CDH13: variants seen among roughly 807,000 people sequenced by gnomAD.
The protein encoded by CDH13 is cadherin-13.
In CDH13, 24 loss-of-function variants were observed where a neutral mutation model predicts 63.8. That is an observed-to-expected ratio of 0.38 (90% confidence interval 0.27 to 0.53). CDH13 has a LOEUF of 0.53. CDH13 is among the 20% of genes least tolerant of loss of function. The pLI, the probability that CDH13 is intolerant of heterozygous loss-of-function variation, is 0.85. For synonymous variants in CDH13, 503 were observed against 355.3 expected (o/e 1.42, Z -4.67); for missense variants, 1,049 against 903.1 (o/e 1.16, Z -2.07).
intron 1 of CDH13, among the ~76,000 whole-genome samples, chr16:82,662,995 A>G (rs1303985623): frequency 6.6e-6 from 1 of 152,160 alleles, no homozygotes; most frequent in Admixed American, 6.5e-5. Context: ...TTGCAGTTTC[A>G]GAAAGGGCTA....
chr16:83,748,638 A>C (rs1567570176), intron 11 of CDH13, among the ~76,000 whole-genome samples: 1 of 152,146 alleles, frequency 6.6e-6, no homozygotes, highest in Non-Finnish European at 1.5e-5. Flanking sequence ...CTGACCATTG[A>C]ATTGTTCTTG....
At chr16:83,633,534 G>C (rs915786778) in intron 8 of CDH13, among the ~76,000 whole-genome samples, 1 of 152,172 alleles carries the variant, frequency 6.6e-6, no homozygotes, top group African/African-American at 2.4e-5. Context: ...TTTTCATGTT[G>C]CAGGGAGTGT....
intron 6 of CDH13, among the ~76,000 whole-genome samples, chr16:83,411,048 T>C (rs571065641): frequency 6.6e-6 from 1 of 152,326 alleles, no homozygotes; most frequent in African/African-American, 2.4e-5. Flanking sequence ...ACTTGCTTCA[T>C]GCTGATCCAT....
chr16:83,281,797 C>A (rs371673799), intron 5 of CDH13, among the ~76,000 whole-genome samples: 10 of 151,838 alleles, frequency 6.6e-5, no homozygotes, highest in Admixed American at 3.3e-4. Context: ...CCTGTAATCC[C>A]AGCTACTCGG....
chr16:83,560,364 A>G (rs1254503195), intron 7 of CDH13, among the ~76,000 whole-genome samples: 1 of 152,222 alleles, frequency 6.6e-6, no homozygotes, highest in Admixed American at 6.5e-5. Flanking sequence ...AAATCCTGCC[A>G]TTTGCAACAT....
At chr16:83,306,375 G>A (rs998594404) in intron 5 of CDH13, among the ~76,000 whole-genome samples, 3 of 152,134 alleles carry the variant, frequency 2.0e-5, no homozygotes, top group African/African-American at 7.2e-5. Context: ...CACAAATGCT[G>A]TTCTGGAGTT....
At chr16:83,100,620 C>T (rs893200695) in intron 3 of CDH13, among the ~76,000 whole-genome samples, 1 of 152,182 alleles carries the variant, frequency 6.6e-6, no homozygotes, top group Non-Finnish European at 1.5e-5. Context: ...CTGTCTTTGT[C>T]TACCTCTTTT....
intron 5 of CDH13, among the ~76,000 whole-genome samples, chr16:83,343,459 G>C (rs776190277): frequency 6.6e-6 from 1 of 152,138 alleles, no homozygotes; most frequent in Admixed American, 6.5e-5. Context: ...CAAATATGTA[G>C]TGCAAACTTA....
chr16:83,096,941 T>C (rs1439892354), intron 3 of CDH13, among the ~76,000 whole-genome samples: 1 of 152,178 alleles, frequency 6.6e-6, no homozygotes, highest in East Asian at 1.9e-4. Context: ...AAAATATTTT[T>C]TTTCTGAGCA....
chr16:82,733,575 A>C (rs1041024576), intron 1 of CDH13, among the ~76,000 whole-genome samples: 4 of 152,140 alleles, frequency 2.6e-5, no homozygotes, highest in African/African-American at 9.7e-5. Context: ...TGATCCTATG[A>C]GACATTCAAC....
intron 2 of CDH13, among the ~76,000 whole-genome samples, chr16:82,963,696 C>A (rs964263845): frequency 6.6e-6 from 1 of 152,168 alleles, no homozygotes; most frequent in East Asian, 1.9e-4. Flanking sequence ...TCCTCAACAC[C>A]TGTTACAATT....
intron 5 of CDH13, among the ~76,000 whole-genome samples, chr16:83,319,324 C>T (rs2090171873): frequency 6.6e-6 from 1 of 152,076 alleles, no homozygotes; most frequent in Admixed American, 6.5e-5. Context: ...GCGTTTATTC[C>T]TCGGTGTTTC....
intron 5 of CDH13, among the ~76,000 whole-genome samples, chr16:83,226,915 A>C (rs2039857407): frequency 6.6e-6 from 1 of 152,206 alleles, no homozygotes; most frequent in Admixed American, 6.5e-5. Context: ...AGCTATCAGC[A>C]TAAAGATATT....
chr16:83,571,513 A>G (rs1904619801), intron 7 of CDH13, among the ~76,000 whole-genome samples: 1 of 152,186 alleles, frequency 6.6e-6, no homozygotes, highest in Non-Finnish European at 1.5e-5. Context: ...TGAAAGAATG[A>G]TCTTGAACAC....
chr16:83,169,612 C>T (rs537999285), intron 4 of CDH13, among the ~76,000 whole-genome samples: 7 of 151,594 alleles, frequency 4.6e-5, no homozygotes, highest in Admixed American at 1.3e-4. Context: ...TTCAAGCCCT[C>T]TTTCCTTTTC....
intron 1 of CDH13, among the ~76,000 whole-genome samples, chr16:82,638,625 C>T (rs768697520): frequency 2.0e-5 from 3 of 152,084 alleles, no homozygotes; most frequent in Non-Finnish European, 4.4e-5. Flanking sequence ...AATGACTGTG[C>T]ATGTCATAAT....
chr16:82,960,078 C>T (rs1906739149), intron 2 of CDH13, among the ~76,000 whole-genome samples: 1 of 152,170 alleles, frequency 6.6e-6, no homozygotes. Flanking sequence ...GTTTTAAAAA[C>T]ATTCTCTGGA....
chr16:83,444,257 C>G (rs1185604404), intron 6 of CDH13, among the ~76,000 whole-genome samples: 1 of 152,050 alleles, frequency 6.6e-6, no homozygotes, highest in African/African-American at 2.4e-5. Flanking sequence ...ATGGTAGAGG[C>G]TTACATTGAT....
intron 1 of CDH13, among the ~76,000 whole-genome samples, chr16:82,778,581 A>AAC (rs201480660): frequency 1.3e-5 from 2 of 151,080 alleles, no homozygotes; most frequent in Non-Finnish European, 3.0e-5. Flanking sequence ...AAAAAAAAAA[A>AAC]AAAAAAAAAA....
Sources: allele counts gnomAD v4.1 joint callset (sites outside exome capture counted in the v4.1 genomes callset), GRCh38; gene constraint gnomAD v4.1.1; transcripts MANE v1.5; gene names NCBI Gene and HGNC (gene_info 2026-07-23, HGNC 2026-07-21).